Variants in EYA4 observed in about 807,000 individuals in gnomAD.
EYA4 encodes the protein protein phosphatase EYA4.
A neutral mutation model predicts 87.9 loss-of-function variants in EYA4; 31 were observed. The ratio of observed to expected loss-of-function variants is 0.35; its 90% confidence interval spans 0.27 to 0.48. EYA4 has a LOEUF of 0.48. Among genes scored for constraint, EYA4 ranks in the 20% least tolerant of loss-of-function variants. The pLI is 0.99. For synonymous variants in EYA4, 263 were observed against 270.6 expected (o/e 0.97, Z 0.28); for missense variants, 678 against 761.4 (o/e 0.89, Z 1.29).
chr6:133,264,720 C>T (rs1776071437), intron 1 of EYA4, among the ~76,000 whole-genome samples: 1 of 152,146 alleles, frequency 6.6e-6, no homozygotes, highest in Non-Finnish European at 1.5e-5. Flanking sequence ...CAGCGTCGGT[C>T]CTCATTCCGC....
chr6:133,272,773 G>A (rs1392156575), intron 1 of EYA4, among the ~76,000 whole-genome samples: 1 of 152,150 alleles, frequency 6.6e-6, no homozygotes, highest in Non-Finnish European at 1.5e-5. Flanking sequence ...ACAGCAGCCT[G>A]GACCTGTTGC....
rs1358109887 is a variant in EYA4, at chr6:133,333,973, A to AATTGGTAAAATTCCACTG, written c.34-48400_34-48383dup. ...TGTATACTAAGGAAATCTTTCTTTT[A>AATTGGTAAAATTCCACTG]ATTGGTAAAATTCCACTGATTGGTA... On this transcript the variant is annotated intron_variant, in intron 2 of 19. Coordinates refer to ENST00000355286, the MANE Select transcript of EYA4 (RefSeq NM_004100.5). Among the ~76,000 whole-genome samples the AATTGGTAAAATTCCACTG allele has an allele frequency of 1.2e-4, 18 of 152,228 alleles. No individual in the cohort carries two copies. The South Asian group carries it at 3.7e-3, about 32-fold the overall frequency.
chr6:133,300,702 A>G (rs891328717), intron 2 of EYA4, among the ~76,000 whole-genome samples: 2 of 152,052 alleles, frequency 1.3e-5, no homozygotes, highest in Non-Finnish European at 2.9e-5. Context: ...TTTAGTAGAG[A>G]CAGGGTTTCA....
chr6:133,528,728 A>T lies in EYA4; in HGVS notation c.1843A>T (p.Asn615Tyr). The change falls in exon 20 of 20, where the codon AAC (asparagine) becomes TAC (tyrosine). Residue 615 changes from asparagine (N) to tyrosine (Y), a missense_variant. Physicochemically the swap from Asn to Tyr is moderately radical, Grantham distance 143. Transcript: ENST00000355286. Reference sequence around the variant, plus strand: ...CCTCCTTCTCCTAACCACACAGCACAACATGCCCTTCTGGAGGATATCCAG... The same window carrying T: ...CCTCCTTCTCCTAACCACACAGCACTACATGCCCTTCTGGAGGATATCCAG... ...VEEEQAAKKH[N>Y]MPFWRISSHS... is the part of the protein sequence containing the mutation. The T allele has an allele frequency of 6.2e-7, 1 of 1,611,868 alleles. No individual in the cohort carries two copies. The highest frequency in any genetic ancestry group is 1.1e-5 in the South Asian group (1 of 91,044).
chr6:133,508,008 T>A (rs1476891906), intron 14 of EYA4, among the ~76,000 whole-genome samples: 3 of 148,508 alleles, frequency 2.0e-5, no homozygotes, highest in Non-Finnish European at 3.0e-5. Flanking sequence ...GTTAGAAAGT[T>A]TTTTTTTTTA....
At chr6:133,277,450 C>G (rs1777270051) in intron 2 of EYA4, among the ~76,000 whole-genome samples, 1 of 152,118 alleles carries the variant, frequency 6.6e-6, no homozygotes, top group South Asian at 2.1e-4. Context: ...TGCTTTAAAA[C>G]CTTTGGGAAA....
intron 1 of EYA4, among the ~76,000 whole-genome samples, chr6:133,271,142 C>T (rs945332795): frequency 1.3e-5 from 2 of 152,146 alleles, no homozygotes; most frequent in Admixed American, 6.5e-5. Flanking sequence ...ACCCGTGAAT[C>T]CTGGCTATGG....
chr6:133,450,801 A>G (rs1030148624), intron 5 of EYA4, among the ~76,000 whole-genome samples: 1 of 152,200 alleles, frequency 6.6e-6, no homozygotes. Context: ...GTGGGCCACT[A>G]CACCCAGCCT....
At position 133,529,010 on chromosome 6, in the gene EYA4, T is replaced by C. The variant is rs1032713262; in HGVS notation, c.*205T>C. The C allele has an allele frequency of 7.3e-7, 1 of 1,368,792 alleles. No individual in the cohort carries two copies. Among genetic ancestry groups the C allele is most frequent in the Non-Finnish European group, 9.4e-7 (1 of 1,058,554 alleles). 84.8% of individuals were successfully genotyped at this position (1,368,792 alleles called of 1,614,324 possible). A position where few individuals can be genotyped will look rare whatever the true frequency, so the allele number is the denominator to read the frequency against. On this transcript the variant is annotated 3_prime_UTR_variant, in exon 20 of 20. Coordinates refer to ENST00000355286, the MANE Select transcript of EYA4 (RefSeq NM_004100.5). ...GAAAAGAAACTCTATGGTCTTATAT[T>C]TACAACACTTTAATGGGTTTTTTAA... is the stretch of plus-strand genomic sequence containing the variant.
intron 2 of EYA4, among the ~76,000 whole-genome samples, chr6:133,284,294 G>A (rs1046931880): frequency 2.0e-5 from 3 of 152,084 alleles, no homozygotes; most frequent in Admixed American, 6.6e-5. Context: ...TCAGCCCCCC[G>A]AGTAGAGTAA....
chr6:133,344,984 C>G (rs977164998), intron 2 of EYA4, among the ~76,000 whole-genome samples: 1 of 151,994 alleles, frequency 6.6e-6, no homozygotes, highest in Non-Finnish European at 1.5e-5. Context: ...AAATAGATGC[C>G]TTCCATTTTA....
At chr6:133,415,944 C>CCATTT (rs1789676638) in intron 3 of EYA4, among the ~76,000 whole-genome samples, 2 of 152,208 alleles carry the variant, frequency 1.3e-5, no homozygotes, top group South Asian at 4.1e-4. Context: ...GCTCAATAAA[C>CCATTT]ACTTCCAGCA....
chr6:133,468,468 A>C, intron 10 of EYA4, 98 bp from the exon 11 acceptor site: 1 of 968,262 alleles, frequency 1.0e-6, no homozygotes, highest in Non-Finnish European at 1.7e-6. Context: ...AATGGGGCTG[A>C]GTACTAATCT....
intron 2 of EYA4, among the ~76,000 whole-genome samples, chr6:133,316,069 C>T (rs1780596647): frequency 3.3e-5 from 5 of 152,146 alleles, no homozygotes; most frequent in Admixed American, 3.3e-4. Flanking sequence ...ACCACCTTCT[C>T]ATTGATGTCC....
At chr6:133,463,677 C>G (rs1183299114) in intron 9 of EYA4, among the ~76,000 whole-genome samples, 1 of 151,948 alleles carries the variant, frequency 6.6e-6, no homozygotes, top group Non-Finnish European at 1.5e-5. Flanking sequence ...TATCTTAATG[C>G]AATAGTTGCC....
chr6:133,429,020 A>C (rs1380929339), intron 3 of EYA4, among the ~76,000 whole-genome samples: 1 of 133,624 alleles, frequency 7.5e-6, no homozygotes, highest in Non-Finnish European at 1.5e-5. Flanking sequence ...TCTACCTCCC[A>C]GGTTCAAGCG....
chr6:133,485,950 G>A (rs1183406063), intron 13 of EYA4, among the ~76,000 whole-genome samples: 1 of 152,188 alleles, frequency 6.6e-6, no homozygotes, highest in Non-Finnish European at 1.5e-5. Context: ...TTTTGAGTCA[G>A]ATAAACTTAA....
rs571458030 is a variant in EYA4 at position 133,529,962 on chromosome 6, A to G, written c.*1157A>G. On this transcript the variant is annotated 3_prime_UTR_variant, in exon 20 of 20. Transcript: ENST00000355286. Reference sequence around the variant, plus strand: ...TAAACTTTTTTAGAATGTGCCATGAACATGGCATAAAATTCACATTGAGTG... The same window carrying G: ...TAAACTTTTTTAGAATGTGCCATGAGCATGGCATAAAATTCACATTGAGTG... 3.6e-5 allele frequency: 35 copies of G among 985,170 alleles called. No homozygotes were observed. Among genetic ancestry groups the G allele is most frequent in the Non-Finnish European group, 4.2e-5 (35 of 829,782 alleles). The allele number at this position is 985,170 out of a possible 1,614,324, so 61.0% of individuals were successfully genotyped here. A position where few individuals can be genotyped will look rare whatever the true frequency, so the allele number is the denominator to read the frequency against.
intron 14 of EYA4, among the ~76,000 whole-genome samples, chr6:133,509,412 A>C (rs1463609910): frequency 7.2e-5 from 11 of 152,120 alleles, no homozygotes; most frequent in Non-Finnish European, 1.2e-4. Flanking sequence ...AAAAAAAAAA[A>C]AAAACCGAAC....
Sources: gnomAD v4.1 joint callset for allele counts (sites outside exome capture counted in the v4.1 genomes callset) on GRCh38, gnomAD v4.1.1 for gene constraint, MANE v1.5 for transcripts, NCBI Gene and HGNC (gene_info 2026-07-23, HGNC 2026-07-21) for gene names.